Variants in SLFN5 observed in about 807,000 individuals in gnomAD.
SLFN5 encodes the protein schlafen family member 5.
In SLFN5, 34 loss-of-function variants were observed where a neutral mutation model predicts 48.5. That is an observed-to-expected ratio of 0.70 (90% CI 0.53 to 0.93). SLFN5 has a LOEUF of 0.93. Among genes scored for constraint, SLFN5 ranks in the 40% least tolerant of loss-of-function variants. The pLI, the probability that SLFN5 is intolerant of heterozygous loss-of-function variation, is 0.00. For synonymous variants in SLFN5, 387 were observed against 396.2 expected, an observed-to-expected ratio of 0.98 and a Z score of 0.28; for missense variants, 1,006 against 1,071.3, an observed-to-expected ratio of 0.94 and a Z score of 0.85.
intron 1 of SLFN5, among the ~76,000 whole-genome samples, chr17:35,251,817 G>A (rs1220815710): frequency 4.7e-5 from 6 of 128,594 alleles, no homozygotes; most frequent in Admixed American, 8.1e-5. Flanking sequence ...AGGTTCAAGC[G>A]ATTCTCCTGC....
chr17:35,253,016 G>A (rs2092445932), intron 1 of SLFN5, among the ~76,000 whole-genome samples: 1 of 151,932 alleles, frequency 6.6e-6, no homozygotes, highest in Non-Finnish European at 1.5e-5. Context: ...AAATACCATG[G>A]ACTGGGTGGC....
chr17:35,273,407 G>A lies in SLFN5; in HGVS notation c.*7519G>A, dbSNP rs924049926. ...TAATAATTTTGATGTAAATTTTGCTGTGTGTGTTTTTACTTGTTCATGTAG... is the reference window on the plus strand; with the variant it reads ...TAATAATTTTGATGTAAATTTTGCTATGTGTGTTTTTACTTGTTCATGTAG... On this transcript the variant is annotated 3_prime_UTR_variant, in exon 5 of 5. Coordinates refer to ENST00000299977, the MANE Select transcript of SLFN5 (RefSeq NM_144975.4). 2 of 152,100 alleles carry A rather than the reference G, an allele frequency of 1.3e-5. No individual in the cohort carries two copies. Among genetic ancestry groups the A allele is most frequent in the Admixed American group, 6.5e-5 (1 of 15,276 alleles). The allele number at this position is 152,100 out of a possible 1,614,324, so 9.4% of individuals were successfully genotyped here.
chr17:35,243,734 GCGGTGTGATTC>G (rs1469746279), intron 1 of SLFN5, among the ~76,000 whole-genome samples: 1 of 152,216 alleles, frequency 6.6e-6, no homozygotes, highest in Non-Finnish European at 1.5e-5. Context: ...GGCTGAGACT[GCGGTGTGATTC>G]CGTTTCCCTC....
chr17:35,254,996 A>G (rs1597649056), intron 1 of SLFN5, among the ~76,000 whole-genome samples: 1 of 152,184 alleles, frequency 6.6e-6, no homozygotes, highest in East Asian at 1.9e-4. Context: ...CAGCCTGGGC[A>G]ATAGAGCGAG....
intron 1 of SLFN5, among the ~76,000 whole-genome samples, chr17:35,253,684 C>A (rs1234281554): frequency 1.5e-5 from 2 of 137,610 alleles, no homozygotes; most frequent in Admixed American, 1.6e-4. Context: ...CTGAGTATAG[C>A]TAACAGTTTT....
At position 35,259,224 on chromosome 17, in the gene SLFN5, A is replaced by G. The variant is rs776018361; in HGVS notation, c.534A>G (p.Arg178=). 2 of 1,614,118 alleles carry G rather than the reference A, an allele frequency of 1.2e-6. No homozygotes were observed. Among genetic ancestry groups the G allele is most frequent in the Admixed American group, 1.7e-5 (1 of 60,030 alleles). ...TGTCAGCTGCTGCTTTATTTGATAG[A>G]AAGCGGCTTCAGTATCTGGAAAAAC... The part of the protein sequence containing the change: ...INVSAAALFD[R]KRLQYLEKLN... Residue 178 remains arginine (R), a synonymous_variant, in exon 2 of 5, where the codon AGA becomes AGG. Coordinates refer to ENST00000299977, the MANE Select transcript of SLFN5 (RefSeq NM_144975.4).
In SLFN5 at chr17:35,264,709, A is replaced by G; in HGVS notation, c.1665A>G (p.Leu555=). 1.2e-6 allele frequency: 2 copies of G among 1,608,360 alleles called. No individual in the cohort carries two copies. The highest frequency in any genetic ancestry group is 2.7e-5 in the African/African-American group (2 of 74,542). Residue 555 remains leucine (L), a synonymous_variant, in exon 4 of 5, where the codon CTA becomes CTG. Coordinates refer to ENST00000299977, the MANE Select transcript of SLFN5 (RefSeq NM_144975.4). ...SEELGSEVLN[L]LTNKQYELLS... is the part of the protein sequence containing the mutation. ...AGCTGGGCTCTGAGGTTTTGAACCT[A>G]CTGACAAATAAACAGTATGAGTTGC... is the stretch of plus-strand genomic sequence containing the variant.
chr17:35,261,834 C>T (rs1412048118), intron 3 of SLFN5, among the ~76,000 whole-genome samples: 1 of 151,650 alleles, frequency 6.6e-6, no homozygotes, highest in Non-Finnish European at 1.5e-5. Flanking sequence ...TGCCACCACA[C>T]CCAGCTAATT....
At chr17:35,251,853 A>G (rs1000533898) in intron 1 of SLFN5, among the ~76,000 whole-genome samples, 3 of 151,730 alleles carry the variant, frequency 2.0e-5, no homozygotes, top group Non-Finnish European at 4.4e-5. Flanking sequence ...AGCTGGGATT[A>G]CAGGCACACA....
At position 35,269,103 on chromosome 17, in the gene SLFN5, G is replaced by A. The variant is rs1363348067; in HGVS notation, c.*3215G>A. The A allele has an allele frequency of 1.3e-5, 2 of 152,144 alleles. No individual in the cohort carries two copies. The highest frequency in any genetic ancestry group is 4.8e-5 in the African/African-American group (2 of 41,422). The allele number at this position is 152,144 out of a possible 1,614,324, so 9.4% of individuals were successfully genotyped here. ...ATCTTGACCAGAAGCATCTAAGAAG[G>A]CAGTGAAGCAACATGTGTACAGTTC... On this transcript the variant is annotated 3_prime_UTR_variant, in exon 5 of 5. Coordinates refer to ENST00000299977, the MANE Select transcript of SLFN5 (RefSeq NM_144975.4).
At chr17:35,262,471 C>T (rs1904548867) in intron 3 of SLFN5, among the ~76,000 whole-genome samples, 1 of 151,778 alleles carries the variant, frequency 6.6e-6, no homozygotes, top group Non-Finnish European at 1.5e-5. Context: ...AGATTGTAAG[C>T]TAAAACATAT....
chr17:35,265,930 T>G lies in SLFN5; in HGVS notation c.*42T>G, dbSNP rs765836607. Reference sequence around the variant, plus strand: ...AAGAAACAATTAAGTGGTTCTCATCTCTAATTAACTGTGAAACCATTTAAT... The same window carrying G: ...AAGAAACAATTAAGTGGTTCTCATCGCTAATTAACTGTGAAACCATTTAAT... On this transcript the variant is annotated 3_prime_UTR_variant, in exon 5 of 5. Transcript: ENST00000299977. The G allele has an allele frequency of 1.4e-5, 22 of 1,521,046 alleles. No individual in the cohort carries two copies. Among genetic ancestry groups the G allele is most frequent in the Admixed American group, 2.2e-5 (1 of 46,084 alleles). 94.2% of individuals were successfully genotyped at this position (1,521,046 alleles called of 1,614,324 possible). A position where few individuals can be genotyped will look rare whatever the true frequency, so the allele number is the denominator to read the frequency against.
intron 1 of SLFN5, among the ~76,000 whole-genome samples, chr17:35,248,805 A>C (rs2092436219): frequency 6.6e-6 from 1 of 152,236 alleles, no homozygotes; most frequent in Non-Finnish European, 1.5e-5. Context: ...GAATTCTTCT[A>C]GGTACATATG....
intron 1 of SLFN5, among the ~76,000 whole-genome samples, chr17:35,248,959 A>T (rs1351234846): frequency 3.3e-5 from 5 of 152,118 alleles, no homozygotes; most frequent in African/African-American, 4.8e-5. Context: ...CGAGGGTTTT[A>T]AAAAAAAGGA....
intron 1 of SLFN5, among the ~76,000 whole-genome samples, chr17:35,250,991 A>G (rs2092441054): frequency 6.6e-6 from 1 of 152,192 alleles, no homozygotes; most frequent in Non-Finnish European, 1.5e-5. Context: ...TATTGCAAAC[A>G]ATAGGTGCCA....
rs1417380150 is a variant in SLFN5 at position 35,266,092 on chromosome 17, T to C, written c.*204T>C. 3.5e-6 allele frequency: 2 copies of C among 569,496 alleles called. No homozygotes were observed. The highest frequency in any genetic ancestry group is 5.9e-5 in the East Asian group (2 of 34,156). The allele number at this position is 569,496 out of a possible 1,614,324, so 35.3% of individuals were successfully genotyped here. A position where few individuals can be genotyped will look rare whatever the true frequency, so the allele number is the denominator to read the frequency against. ...CAAATACACAGATAGACAAGGAATT[T>C]CCCATGGTAAAAAGGGATATCAGTA... is the stretch of plus-strand genomic sequence containing the variant. On this transcript the variant is annotated 3_prime_UTR_variant, in exon 5 of 5. Transcript: ENST00000299977.
intron 1 of SLFN5, among the ~76,000 whole-genome samples, chr17:35,244,273 G>C (rs374345200): frequency 1.3e-5 from 2 of 152,156 alleles, no homozygotes; most frequent in African/African-American, 4.8e-5. Context: ...AAATGTTGGG[G>C]TGCTGAAATC....
chr17:35,247,901 GT>G (rs144167657), intron 1 of SLFN5, among the ~76,000 whole-genome samples: 6 of 152,128 alleles, frequency 3.9e-5, no homozygotes, highest in Non-Finnish European at 7.4e-5. Context: ...TCCATCTTGC[GT>G]TTTTGTCCTG....
In SLFN5 at chr17:35,264,773, C is replaced by G; in HGVS notation, c.1729C>G (p.His577Asp). ...NLRKTRELFV[H>D]GLPGSGKTIL... ...TCGCAAGACCAGAGAGTTGTTTGTT[C>G]ATGGCTTACCTGGATCAGGGAAGAC... Residue 577 changes from histidine (H) to aspartate (D), a missense_variant, in exon 4 of 5, where the codon CAT (histidine) becomes GAT (aspartate). Physicochemically the swap from His to Asp is moderately conservative, Grantham distance 81. Transcript: ENST00000299977. 6.3e-7 allele frequency: 1 copy of G among 1,596,972 alleles called. No individual in the cohort carries two copies. Among genetic ancestry groups the G allele is most frequent in the Non-Finnish European group, 8.5e-7 (1 of 1,173,662 alleles).
Sources: gnomAD v4.1 joint callset for allele counts (sites outside exome capture counted in the v4.1 genomes callset) on GRCh38, gnomAD v4.1.1 for gene constraint, MANE v1.5 for transcripts, NCBI Gene and HGNC (gene_info 2026-07-23, HGNC 2026-07-21) for gene names.